The following SH3BGRL2 variants were observed in gnomAD, a reference collection of about 807,000 sequenced individuals.
The protein encoded by SH3BGRL2 is SH3 domain binding glutamate rich protein like 2.
A neutral mutation model predicts 14.8 loss-of-function variants in SH3BGRL2; 21 were observed. The ratio of observed to expected loss-of-function variants is 1.42; its 90% CI spans 1.01 to 2.05. SH3BGRL2 has a LOEUF of 2.05. Among genes scored for constraint, SH3BGRL2 ranks in the 30% most tolerant of loss-of-function variants. The pLI, the probability that SH3BGRL2 is intolerant of heterozygous loss-of-function variation, is 0.00. For missense variants in SH3BGRL2, 147 were observed against 130.8 expected (o/e 1.12, Z -0.61); for synonymous variants, 50 against 47.8 (o/e 1.05, Z -0.19).
chr6:79,687,078 G>GAGCACTT, intron 2 of SH3BGRL2, among the ~76,000 whole-genome samples: 2 of 152,276 alleles, frequency 1.3e-5, no homozygotes, highest in Non-Finnish European at 2.9e-5. Flanking sequence ...CTTCTCTGGA[G>GAGCACTT]CTCTGGCCAC....
intron 2 of SH3BGRL2, among the ~76,000 whole-genome samples, chr6:79,684,273 G>A (rs1453168795): frequency 6.6e-6 from 1 of 152,088 alleles, no homozygotes; most frequent in Admixed American, 6.5e-5. Context: ...ATCCAAAGGT[G>A]TGTTGTTATT....
intron 2 of SH3BGRL2, among the ~76,000 whole-genome samples, chr6:79,680,703 A>G (rs916375559): frequency 6.6e-6 from 1 of 152,072 alleles, no homozygotes; most frequent in Non-Finnish European, 1.5e-5. Context: ...CTAATCCGTG[A>G]GCATGGGATA....
At chr6:79,592,611 G>C in the SH3BGRL2 span, among the ~76,000 whole-genome samples, 1 of 152,104 alleles carries the variant, frequency 6.6e-6, no homozygotes, top group East Asian at 1.9e-4. Context: ...AAAAAGTCAA[G>C]ATAAAAATGG....
chr6:79,539,578 T>C, the SH3BGRL2 span, among the ~76,000 whole-genome samples: 3 of 152,372 alleles, frequency 2.0e-5, no homozygotes, highest in East Asian at 5.8e-4. Context: ...GCTAACTGAA[T>C]GTTCATTTTC....
At chr6:79,648,956 A>G (rs957655533) in intron 1 of SH3BGRL2, among the ~76,000 whole-genome samples, 6 of 152,186 alleles carry the variant, frequency 3.9e-5, no homozygotes, top group African/African-American at 1.2e-4. Flanking sequence ...AGAACCATGT[A>G]GAATGAAGCA....
the SH3BGRL2 span, among the ~76,000 whole-genome samples, chr6:79,571,968 T>C: frequency 0.11 from 16,728 of 152,218 alleles, 1,025 homozygotes; most frequent in Non-Finnish European, 0.13. Flanking sequence ...ATACAGAGAA[T>C]TTCCATACAC....
rs1286112115 is a variant in SH3BGRL2 at position 79,642,995 on chromosome 6, A to G, written c.45+11489A>G. ...GAAAAATGTGGGAGACAGGAGAAGGAAAAAGACACCTGGAAGAGGGGACCC... is the reference window on the plus strand; with the variant it reads ...GAAAAATGTGGGAGACAGGAGAAGGGAAAAGACACCTGGAAGAGGGGACCC... On this transcript the variant is annotated intron_variant, in intron 1 of 3. Coordinates refer to ENST00000369838, the MANE Select transcript of SH3BGRL2 (RefSeq NM_031469.4). 3.3e-5 allele frequency among the ~76,000 whole-genome samples: 5 copies of G among 152,336 alleles called. No individual in the cohort carries two copies. The East Asian group carries it at 9.7e-4, about 29-fold the overall frequency.
chr6:79,631,050 C>CT (rs1046334562), upstream of SH3BGRL2, among the ~76,000 whole-genome samples: 5 of 152,162 alleles, frequency 3.3e-5, no homozygotes, highest in Admixed American at 3.3e-4. Context: ...GAACCGAGCC[C>CT]TTTTGCCTAG....
upstream of SH3BGRL2, among the ~76,000 whole-genome samples, chr6:79,628,563 T>A (rs921218939): frequency 5.3e-5 from 8 of 152,174 alleles, no homozygotes; most frequent in African/African-American, 1.9e-4. Context: ...CTCTCTGTGG[T>A]CTGATAAGCT....
intron 3 of SH3BGRL2, 102 bp from the exon 4 acceptor site, chr6:79,699,396 C>G (rs1770402126): frequency 2.3e-6 from 3 of 1,302,162 alleles, no homozygotes; most frequent in Non-Finnish European, 3.0e-6. Context: ...TCCAACATCT[C>G]TGTTCCTGAC....
At chr6:79,627,446 A>C (rs1004381223), upstream of SH3BGRL2, among the ~76,000 whole-genome samples, 1 of 152,142 alleles carries the variant, frequency 6.6e-6, no homozygotes, top group Non-Finnish European at 1.5e-5. Flanking sequence ...TAATATCCTA[A>C]AGGTAGTCAA....
chr6:79,662,033 A>G (rs1267244657), intron 1 of SH3BGRL2, among the ~76,000 whole-genome samples: 2 of 151,794 alleles, frequency 1.3e-5, no homozygotes, highest in Admixed American at 6.6e-5. Context: ...TTGAGCCTAT[A>G]TGTGTCTCTG....
intron 1 of SH3BGRL2, among the ~76,000 whole-genome samples, chr6:79,642,573 T>G (rs1769053623): frequency 6.6e-6 from 1 of 152,170 alleles, no homozygotes; most frequent in Admixed American, 6.5e-5. Flanking sequence ...TGTGATTGAT[T>G]GTTGATGCCT....
At chr6:79,573,428 G>T in the SH3BGRL2 span, among the ~76,000 whole-genome samples, 7,638 of 152,072 alleles carry the variant, frequency 0.05, 291 homozygotes, top group Non-Finnish European at 0.072. Context: ...TCAGGATGAG[G>T]TCCCACTTTG....
the SH3BGRL2 span, among the ~76,000 whole-genome samples, chr6:79,596,955 C>T: frequency 1.1e-4 from 17 of 152,230 alleles, no homozygotes; most frequent in Admixed American, 5.9e-4. Context: ...ATAGGCCAGG[C>T]GCAGTGCCTC....
chr6:79,685,241 T>C lies in SH3BGRL2; in HGVS notation c.232-11244T>C, dbSNP rs537320656. On this transcript the variant is annotated intron_variant, in intron 2 of 3. Coordinates refer to ENST00000369838, the MANE Select transcript of SH3BGRL2 (RefSeq NM_031469.4). ...TTTGAGGCCTCTCCAGTTGCATGGC[T>C]AGCAGTATATCTTAACTAATAGCCA... Among the ~76,000 whole-genome samples the C allele has an allele frequency of 9.8e-5, 15 of 152,342 alleles. No homozygotes were observed. The South Asian group carries it at 3.1e-3, about 32-fold the overall frequency.
chr6:79,682,009 A>G (rs1769997658), intron 2 of SH3BGRL2, among the ~76,000 whole-genome samples: 1 of 148,942 alleles, frequency 6.7e-6, no homozygotes, highest in African/African-American at 2.5e-5. Flanking sequence ...TTACACACAC[A>G]CACACTACAC....
chr6:79,577,250 A>G, the SH3BGRL2 span, among the ~76,000 whole-genome samples: 2 of 152,328 alleles, frequency 1.3e-5, no homozygotes, highest in African/African-American at 2.4e-5. Context: ...CCTTATGCCA[A>G]TATCACACTT....
the SH3BGRL2 span, among the ~76,000 whole-genome samples, chr6:79,545,097 C>T: frequency 2.0e-5 from 3 of 152,292 alleles, no homozygotes; most frequent in Middle Eastern, 3.4e-3. Flanking sequence ...CGTCAAGCTT[C>T]TCAGCTGGCC....
Sources: gnomAD v4.1 joint callset for allele counts (sites outside exome capture counted in the v4.1 genomes callset) on GRCh38, gnomAD v4.1.1 for gene constraint, MANE v1.5 for transcripts, NCBI Gene and HGNC (gene_info 2026-07-23, HGNC 2026-07-21) for gene names.